The following MBNL1 variants were observed in gnomAD, a reference collection of about 807,000 sequenced individuals.
MBNL1 encodes the protein muscleblind-like protein 1.
In MBNL1, 8 loss-of-function variants were observed where a neutral mutation model predicts 42.2. The observed-to-expected ratio is 0.19, with a 90% CI of 0.11 to 0.34. MBNL1 has a LOEUF of 0.34. MBNL1 is among the 10% of genes least tolerant of loss of function. MBNL1 has a pLI of 1.00. For missense variants in MBNL1, 309 were observed against 495.3 expected (o/e 0.62, Z 3.57); for synonymous variants, 169 against 173.9 (o/e 0.97, Z 0.22).
At chr3:152,309,167 A>G (rs554296959) in intron 2 of MBNL1, among the ~76,000 whole-genome samples, 1 of 152,224 alleles carries the variant, frequency 6.6e-6, no homozygotes, top group African/African-American at 2.4e-5. Context: ...CTCTCACACT[A>G]TTAATTATGA....
chr3:152,432,779 T>C lies in MBNL1; in HGVS notation c.408T>C (p.Tyr136=), dbSNP rs1383104195. ...TNASAAAFNP[Y]LGPVSPSLVP... is the part of the protein sequence containing the mutation. ...CATCAGCAGCCGCCTTTAATCCCTA[T>C]CTGGGACCTGTTTCTCCAAGCCTGG... Residue 136 remains tyrosine, a synonymous_variant, in exon 4 of 10, where the codon TAT becomes TAC. Coordinates refer to ENST00000324210, the MANE Select transcript of MBNL1 (RefSeq NM_021038.5). The C allele has an allele frequency of 2.5e-6, 4 of 1,614,062 alleles. No individual in the cohort carries two copies. The highest frequency in any genetic ancestry group is 3.4e-6 in the Non-Finnish European group (4 of 1,180,028).
intron 2 of MBNL1, among the ~76,000 whole-genome samples, chr3:152,346,224 T>C (rs1379362927): frequency 6.6e-6 from 1 of 152,128 alleles, no homozygotes; most frequent in African/African-American, 2.4e-5. Context: ...AGTTATGTCC[T>C]TGGGCAGTGT....
At chr3:152,413,965 T>G (rs1201791265) in intron 2 of MBNL1, among the ~76,000 whole-genome samples, 1 of 152,216 alleles carries the variant, frequency 6.6e-6, no homozygotes, top group Non-Finnish European at 1.5e-5. Flanking sequence ...TTCTTTTTTT[T>G]GAGATGAGCT....
At chr3:152,351,005 A>T (rs552003216) in intron 2 of MBNL1, among the ~76,000 whole-genome samples, 1 of 152,236 alleles carries the variant, frequency 6.6e-6, no homozygotes, top group African/African-American at 2.4e-5. Context: ...TTAGCTACCT[A>T]GGTGAACCTC....
At chr3:152,400,145 T>C (rs1245966504) in intron 2 of MBNL1, among the ~76,000 whole-genome samples, 2 of 152,180 alleles carry the variant, frequency 1.3e-5, no homozygotes, top group African/African-American at 2.4e-5. Flanking sequence ...CTACATATTA[T>C]TGTGAGAGTT....
At position 152,383,085 on chromosome 3, in the gene MBNL1, A is replaced by T. The variant is rs561095379; in HGVS notation, c.175-31856A>T. Reference sequence around the variant, plus strand: ...CAGGCTTTTGTTTTGACACAAGTTTACCATGCGTTTTCTATAGTCTCCTTT... The same window carrying T: ...CAGGCTTTTGTTTTGACACAAGTTTTCCATGCGTTTTCTATAGTCTCCTTT... On this transcript the variant is annotated intron_variant, in intron 2 of 9. Coordinates refer to ENST00000324210, the MANE Select transcript of MBNL1 (RefSeq NM_021038.5). Among the ~76,000 whole-genome samples the T allele has an allele frequency of 8.5e-5, 13 of 152,194 alleles. No individual in the cohort carries two copies. In the East Asian group the frequency reaches 2.5e-3, roughly 29 times the overall value.
intron 2 of MBNL1, among the ~76,000 whole-genome samples, chr3:152,390,541 A>G (rs1387916065): frequency 6.6e-6 from 1 of 151,750 alleles, no homozygotes; most frequent in Admixed American, 6.6e-5. Flanking sequence ...TAAGTAGTAT[A>G]GTAAATAAGT....
intron 2 of MBNL1, among the ~76,000 whole-genome samples, chr3:152,412,844 C>T (rs1040058419): frequency 4.6e-5 from 7 of 152,100 alleles, no homozygotes; most frequent in African/African-American, 1.7e-4. Flanking sequence ...CTATAGAAAC[C>T]GATGTGAGTG....
chr3:152,311,408 T>C (rs946703500), intron 2 of MBNL1, among the ~76,000 whole-genome samples: 2 of 152,324 alleles, frequency 1.3e-5, no homozygotes, highest in African/African-American at 4.8e-5. Context: ...AGAAATATGC[T>C]TAAAAACCTT....
intron 1 of MBNL1, among the ~76,000 whole-genome samples, chr3:152,281,333 T>C (rs2048360905): frequency 6.6e-6 from 1 of 152,108 alleles, no homozygotes; most frequent in Admixed American, 6.6e-5. Context: ...TGGTATGAAT[T>C]AGGCACACAA....
At chr3:152,321,167 CAATT>C (rs999108789) in intron 2 of MBNL1, among the ~76,000 whole-genome samples, 10 of 152,006 alleles carry the variant, frequency 6.6e-5, no homozygotes, top group African/African-American at 2.4e-4. Context: ...GTAGTACTGA[CAATT>C]AAATATTTGA....
At chr3:152,365,576 T>C (rs1288007967) in intron 2 of MBNL1, among the ~76,000 whole-genome samples, 1 of 152,110 alleles carries the variant, frequency 6.6e-6, no homozygotes, top group Non-Finnish European at 1.5e-5. Context: ...AAGTTAGTAA[T>C]GTTAAGCAGT....
intron 4 of MBNL1, among the ~76,000 whole-genome samples, chr3:152,445,007 T>C (rs1441528290): frequency 2.6e-5 from 4 of 152,208 alleles, no homozygotes; most frequent in African/African-American, 9.6e-5. Flanking sequence ...TATTTTTCCC[T>C]TTGCAATTAA....
rs943982522 is a variant in MBNL1, at chr3:152,464,859, A to C, written c.*2493A>C. The C allele has an allele frequency of 2.0e-5, 3 of 152,614 alleles. No individual in the cohort carries two copies. The highest frequency in any genetic ancestry group is 4.8e-5 in the African/African-American group (2 of 41,444). The allele number at this position is 152,614 out of a possible 1,614,324, so 9.5% of individuals were successfully genotyped here. On this transcript the variant is annotated 3_prime_UTR_variant, in exon 10 of 10. Coordinates refer to ENST00000324210, the MANE Select transcript of MBNL1 (RefSeq NM_021038.5). ...AGAGAGAAACCTGTATAATAGTAAG[A>C]TCTTATTTTGAATAAAAACGTCTAT...
At chr3:152,458,344 C>A in intron 8 of MBNL1, 1 of 628,078 alleles carries the variant, frequency 1.6e-6, no homozygotes, top group Non-Finnish European at 2.8e-6. Context: ...TTGAATTAGC[C>A]TAAGATGTCT....
chr3:152,245,096 T>G (rs1234323870), intron 2 of MBNL1, among the ~76,000 whole-genome samples: 1 of 152,082 alleles, frequency 6.6e-6, no homozygotes, highest in Non-Finnish European at 1.5e-5. Flanking sequence ...ATGCTTAAAA[T>G]ATAGTAAGAA....
chr3:152,302,952 C>A (rs1449569933), intron 2 of MBNL1, among the ~76,000 whole-genome samples: 1 of 151,616 alleles, frequency 6.6e-6, no homozygotes, highest in Non-Finnish European at 1.5e-5. Context: ...CTGCTTCAGA[C>A]TTTGGCCAGG....
intron 2 of MBNL1, among the ~76,000 whole-genome samples, chr3:152,353,418 C>A (rs1241591631): frequency 6.6e-6 from 1 of 152,112 alleles, no homozygotes; most frequent in Non-Finnish European, 1.5e-5. Flanking sequence ...GAAAAGGTTG[C>A]CTTTTAGAGT....
At chr3:152,259,829 A>T (rs1346024031) in intron 2 of MBNL1, among the ~76,000 whole-genome samples, 1 of 152,244 alleles carries the variant, frequency 6.6e-6, no homozygotes, top group Non-Finnish European at 1.5e-5. Context: ...TTTCAACTAT[A>T]ATGTGAGACA....
Sources: allele counts gnomAD v4.1 joint callset (sites outside exome capture counted in the v4.1 genomes callset), GRCh38; gene constraint gnomAD v4.1.1; transcripts MANE v1.5; gene names NCBI Gene and HGNC (gene_info 2026-07-23, HGNC 2026-07-21).